The following LRRCC1 variants were observed in gnomAD, a reference collection of about 807,000 sequenced individuals.
The protein encoded by LRRCC1 is leucine rich repeat and coiled-coil centrosomal protein 1.
Under a neutral mutation model 126.0 loss-of-function variants are expected in LRRCC1, and 115 were observed. The ratio of observed to expected loss-of-function variants is 0.91; its 90% CI spans 0.78 to 1.07. The LOEUF (loss-of-function observed/expected upper bound fraction) is 1.07, where lower values mean the gene tolerates loss of function less well. LRRCC1 is among the 50% of genes least tolerant of loss of function. The pLI is 0.00. For synonymous variants in LRRCC1, 400 were observed against 393.4 expected (o/e 1.02, Z -0.20); for missense variants, 1,172 against 1,175.7 (o/e 1.00, Z 0.05).
intron 4 of LRRCC1, 96 bp from the exon 5 acceptor site, chr8:85,115,004 G>T: frequency 1.1e-6 from 1 of 878,142 alleles, no homozygotes; most frequent in Non-Finnish European, 1.7e-6. Flanking sequence ...AACTATTCCG[G>T]GTGATGTATC....
intron 1 of LRRCC1, chr8:85,108,740 C>G (rs1304470563): frequency 1.3e-5 from 2 of 152,172 alleles, no homozygotes; most frequent in Admixed American, 1.3e-4. Flanking sequence ...TTTCCTACAG[C>G]TGTAAGATAG....
chr8:85,121,517 C>T (rs1809551313), intron 6 of LRRCC1, among the ~76,000 whole-genome samples: 1 of 152,118 alleles, frequency 6.6e-6, no homozygotes, highest in African/African-American at 2.4e-5. Context: ...TCTCAGCTCA[C>T]CGCAACCTCC....
At chr8:85,116,348 T>C (rs1809123207) in intron 6 of LRRCC1, among the ~76,000 whole-genome samples, 1 of 152,134 alleles carries the variant, frequency 6.6e-6, no homozygotes, top group Non-Finnish European at 1.5e-5. Flanking sequence ...TAGTTCAACT[T>C]AAAAATTTTT....
chr8:85,108,855 C>A, intron 1 of LRRCC1: 1 of 152,274 alleles, frequency 6.6e-6, no homozygotes, highest in Non-Finnish European at 1.5e-5. Flanking sequence ...GTTCCTGGAA[C>A]TACTATCTTC....
rs1811531333 is a variant in LRRCC1 at position 85,144,539 on chromosome 8, C to T, written c.2977-850C>T. 2.1e-5 allele frequency among the ~76,000 whole-genome samples: 3 copies of T among 143,296 alleles called. No homozygotes were observed. In the Admixed American group the frequency reaches 2.1e-4, roughly 10 times the overall value. 94.0% of individuals were successfully genotyped at this position (143,296 alleles called of 152,430 possible). On this transcript the variant is annotated intron_variant, in intron 18 of 18. Transcript: ENST00000360375. The stretch of plus-strand genomic sequence containing the variant: ...GCTGGAGTGCAATGGCACTATCTTG[C>T]CTTACTGCAACCTCCACCTCCTGGG...
chr8:85,122,327 T>C (rs1478738191), intron 6 of LRRCC1, among the ~76,000 whole-genome samples: 13 of 152,206 alleles, frequency 8.5e-5, no homozygotes, highest in Non-Finnish European at 1.9e-4. Flanking sequence ...TTTCTTCCAA[T>C]ATTTCTTCTG....
At position 85,115,197 on chromosome 8, in the gene LRRCC1, A is replaced by G. The variant is rs546783204; in HGVS notation, c.642A>G (p.Ser214=). The part of the protein sequence containing the change: ...GEPVNLTEIN[S]SQLQCLEGLL... ...CAGTAAATTTGACAGAAATAAATTCATCACAGCTGCAGTGCCTAGAAGGTC... is the reference window on the plus strand; with the variant it reads ...CAGTAAATTTGACAGAAATAAATTCGTCACAGCTGCAGTGCCTAGAAGGTC... Residue 214 remains serine, a synonymous_variant, in exon 5 of 19, where the codon TCA becomes TCG. Transcript: ENST00000360375. 3 of 1,612,976 alleles carry G rather than the reference A, an allele frequency of 1.9e-6. No individual in the cohort carries two copies. The highest frequency in any genetic ancestry group is 2.2e-5 in the South Asian group (2 of 90,946).
rs372959773 is a variant in LRRCC1 at position 85,115,250 on chromosome 8, C to G, written c.695C>G (p.Ser232Cys). ...TTGGATAATTTAGTTTCTTCTGATT[C>G]TCCCCTAAATATAAGTGAAGATGAG... ...GLLDNLVSSD[S>C]PLNISEDEII... The change falls in exon 5 of 19, where the codon TCT (serine) becomes TGT (cysteine). Residue 232 changes from serine to cysteine, a missense_variant. Coordinates refer to ENST00000360375, the MANE Select transcript of LRRCC1 (RefSeq NM_033402.5). The G allele has an allele frequency of 1.9e-6, 3 of 1,609,192 alleles. No individual in the cohort carries two copies. The highest frequency in any genetic ancestry group is 2.5e-6 in the Non-Finnish European group (3 of 1,177,616).
chr8:85,132,019 G>T, intron 12 of LRRCC1, 58 bp downstream of exon 12: 1 of 1,396,214 alleles, frequency 7.2e-7, no homozygotes, highest in Admixed American at 2.2e-5. Context: ...ATGGTTTGAT[G>T]AGAGGACTTG....
intron 14 of LRRCC1, among the ~76,000 whole-genome samples, chr8:85,136,291 T>G (rs77745318): frequency 6.6e-6 from 1 of 152,096 alleles, no homozygotes; most frequent in African/African-American, 2.4e-5. Flanking sequence ...TTTTTTTTTT[T>G]GAGACAGAGT....
At chr8:85,117,579 A>C (rs1030539670) in intron 6 of LRRCC1, among the ~76,000 whole-genome samples, 1 of 152,154 alleles carries the variant, frequency 6.6e-6, no homozygotes, top group Non-Finnish European at 1.5e-5. Flanking sequence ...TTCCTTAATC[A>C]TGGGACTTAA....
intron 8 of LRRCC1, among the ~76,000 whole-genome samples, chr8:85,125,489 T>C (rs1013407384): frequency 1.3e-5 from 2 of 149,928 alleles, no homozygotes; most frequent in South Asian, 2.1e-4. Context: ...CCGGCTAAAA[T>C]GGTGAAACCC....
intron 3 of LRRCC1, among the ~76,000 whole-genome samples, chr8:85,110,412 G>A (rs918902348): frequency 1.3e-5 from 2 of 152,108 alleles, no homozygotes; most frequent in Non-Finnish European, 1.5e-5. Flanking sequence ...AAACTTAATT[G>A]GAAAGGATCC....
chr8:85,127,139 G>C (rs1319493611), intron 9 of LRRCC1, among the ~76,000 whole-genome samples: 5 of 152,120 alleles, frequency 3.3e-5, no homozygotes, highest in Admixed American at 2.6e-4. Context: ...TTCTGTAAAG[G>C]GCAGGCATTG....
intron 14 of LRRCC1, among the ~76,000 whole-genome samples, chr8:85,136,464 G>A (rs1002914913): frequency 3.3e-5 from 5 of 151,934 alleles, no homozygotes; most frequent in South Asian, 2.1e-4. Context: ...TAGTATAGAC[G>A]GGGTTTAACC....
At position 85,109,823 on chromosome 8, in the gene LRRCC1, A is replaced by G. The variant is rs752142942; in HGVS notation, c.310+23A>G. The G allele has an allele frequency of 2.4e-6, 3 of 1,273,480 alleles. No homozygotes were observed. The South Asian group carries it at 4.2e-5, about 18-fold the overall frequency. The allele number at this position is 1,273,480 out of a possible 1,614,324, so 78.9% of individuals were successfully genotyped here. ...AAGGTTTGTAAGTGATTTTCATTTA[A>G]CACTTAGCGTAAGGAAAATGATTTA... On this transcript the variant is annotated intron_variant, in intron 2 of 18. Coordinates refer to ENST00000360375, the MANE Select transcript of LRRCC1 (RefSeq NM_033402.5).
intron 18 of LRRCC1, among the ~76,000 whole-genome samples, chr8:85,145,011 C>T (rs62525427): frequency 2.7e-5 from 4 of 150,138 alleles, no homozygotes; most frequent in South Asian, 2.1e-4. Flanking sequence ...ACCCAGGAGG[C>T]GGAGCTTGCA....
chr8:85,121,406 G>GT (rs879667201), intron 6 of LRRCC1, among the ~76,000 whole-genome samples: 23 of 151,268 alleles, frequency 1.5e-4, no homozygotes, highest in South Asian at 4.2e-4. Context: ...TTAGAATTCA[G>GT]TTTTTTTTGT....
intron 17 of LRRCC1, 41 bp downstream of exon 17, chr8:85,138,516 G>A (rs557106114): frequency 3.5e-5 from 55 of 1,566,196 alleles, no homozygotes; most frequent in Middle Eastern, 1.7e-4. Context: ...CTCCTTAATC[G>A]TAAACACTGT....
Sources: allele counts gnomAD v4.1 joint callset (sites outside exome capture counted in the v4.1 genomes callset), GRCh38; gene constraint gnomAD v4.1.1; transcripts MANE v1.5; gene names NCBI Gene and HGNC (gene_info 2026-07-23, HGNC 2026-07-21).